CHL1: variants seen among roughly 807,000 people sequenced by gnomAD.
CHL1 encodes the protein cell adhesion molecule L1 like.
In CHL1, 96 loss-of-function variants were observed where a neutral mutation model predicts 141.9. That is an observed-to-expected ratio of 0.68 (90% CI 0.57 to 0.80). The LOEUF is 0.80. Among genes scored for constraint, CHL1 ranks in the 30% least tolerant of loss-of-function variants. The pLI, the probability that CHL1 is intolerant of heterozygous loss-of-function variation, is 0.00. For missense variants in CHL1, 1,820 were observed against 1,457.2 expected (o/e 1.25, Z -4.05); for synonymous variants, 613 against 502.2 (o/e 1.22, Z -2.95).
chr3:304,408 C>T (rs1297729811), intron 2 of CHL1, among the ~76,000 whole-genome samples: 6 of 152,138 alleles, frequency 3.9e-5, no homozygotes, highest in Admixed American at 2.0e-4. Flanking sequence ...ATTACTTCCT[C>T]GATTTCAGAA....
intron 2 of CHL1, among the ~76,000 whole-genome samples, chr3:253,731 G>A (rs1693911454): frequency 1.3e-5 from 2 of 152,014 alleles, no homozygotes; most frequent in Non-Finnish European, 2.9e-5. Context: ...ACAAAAACTT[G>A]CAGTACTCTT....
At chr3:230,619 G>A (rs371820182) in intron 1 of CHL1, among the ~76,000 whole-genome samples, 1 of 152,044 alleles carries the variant, frequency 6.6e-6, no homozygotes, top group East Asian at 1.9e-4. Flanking sequence ...ATGACACTAA[G>A]GAAGTAATTT....
At chr3:281,815 C>T (rs773668410) in intron 2 of CHL1, among the ~76,000 whole-genome samples, 3 of 152,176 alleles carry the variant, frequency 2.0e-5, no homozygotes, top group Admixed American at 1.3e-4. Flanking sequence ...TTGCCTTGGC[C>T]TCCCAAAGTG....
In CHL1 at chr3:382,351, C is replaced by A. The variant is rs1053180158; in HGVS notation, c.1978+71C>A. 9 of 1,481,254 alleles carry A rather than the reference C, an allele frequency of 6.1e-6. No individual in the cohort carries two copies. The African/African-American group carries it at 8.4e-5, about 14-fold the overall frequency. The allele number at this position is 1,481,254 out of a possible 1,614,324, so 91.8% of individuals were successfully genotyped here. A position where few individuals can be genotyped will look rare whatever the true frequency, so the allele number is the denominator to read the frequency against. ...AATTAATAGCGAAGTCACTTTTTAA[C>A]CACTCTTACTGGTTTATTCTTCTTA... is the stretch of plus-strand genomic sequence containing the variant. On this transcript the variant is annotated intron_variant, in intron 17 of 27. Coordinates refer to ENST00000256509, the MANE Select transcript of CHL1 (RefSeq NM_006614.4).
At position 340,835 on chromosome 3, in the gene CHL1, G is replaced by T; in HGVS notation, c.427G>T (p.Val143Leu). Residue 143 changes from valine (V) to leucine (L), a missense_variant, in exon 6 of 28, where the codon GTG becomes TTG. Transcript: ENST00000256509. ...AAAAGAAAAAATTGACCCTCTTGAA[G>T]TGGAGGAGGGAGATCCAATTGTCCT... ...FPKEKIDPLE[V>L]EEGDPIVLPC... 1 of 1,612,014 alleles carries T rather than the reference G, an allele frequency of 6.2e-7. No individual in the cohort carries two copies. The highest frequency in any genetic ancestry group is 8.5e-7 in the Non-Finnish European group (1 of 1,178,392).
chr3:237,576 A>T (rs904931006), intron 1 of CHL1, among the ~76,000 whole-genome samples: 11 of 152,216 alleles, frequency 7.2e-5, no homozygotes, highest in Non-Finnish European at 1.3e-4. Context: ...TCTACTGTAG[A>T]TAAAGGCACA....
intron 15 of CHL1, among the ~76,000 whole-genome samples, chr3:373,299 C>T (rs753835017): frequency 6.6e-6 from 1 of 152,218 alleles, no homozygotes; most frequent in Non-Finnish European, 1.5e-5. Context: ...GAGCCTCTGG[C>T]TGGAGTTATT....
intron 2 of CHL1, among the ~76,000 whole-genome samples, chr3:262,557 C>T (rs1272734242): frequency 6.6e-6 from 1 of 150,952 alleles, no homozygotes; most frequent in Non-Finnish European, 1.5e-5. Context: ...CACGTTTAAG[C>T]CTAGATCTAC....
At chr3:343,362 A>T (rs1043206237) in intron 8 of CHL1, among the ~76,000 whole-genome samples, 1 of 152,166 alleles carries the variant, frequency 6.6e-6, no homozygotes, top group African/African-American at 2.4e-5. Flanking sequence ...GAAAGAAAAG[A>T]AATGGTTAAG....
At chr3:359,656 A>C (rs557369628) in intron 11 of CHL1, among the ~76,000 whole-genome samples, 2 of 152,336 alleles carry the variant, frequency 1.3e-5, no homozygotes, top group Admixed American at 6.5e-5. Context: ...TACTTGGATC[A>C]GGAGTGGGGA....
rs955721600 is a variant in CHL1 at position 344,093 on chromosome 3, TG to T, written c.728-495del. Reference sequence around the variant, plus strand: ...AAGGAGCTGAGACTACAGGTAGAGTTGCCGAAAGAGCTTGATAAATTCATAG... The same window carrying T: ...AAGGAGCTGAGACTACAGGTAGAGTTCCGAAAGAGCTTGATAAATTCATAG... On this transcript the variant is annotated intron_variant, in intron 8 of 27. Coordinates refer to ENST00000256509, the MANE Select transcript of CHL1 (RefSeq NM_006614.4). 2.1e-4 allele frequency among the ~76,000 whole-genome samples: 32 copies of T among 152,314 alleles called. No homozygotes were observed. In the Middle Eastern group the frequency reaches 0.014, roughly 65 times the overall value.
intron 2 of CHL1, among the ~76,000 whole-genome samples, chr3:313,326 T>C (rs935378812): frequency 2.0e-5 from 3 of 152,180 alleles, no homozygotes; most frequent in South Asian, 2.1e-4. Context: ...TAAAATAAAA[T>C]GTGCTATGTC....
chr3:268,401 G>T (rs1053642250), intron 2 of CHL1, among the ~76,000 whole-genome samples: 1 of 152,048 alleles, frequency 6.6e-6, no homozygotes, highest in Non-Finnish European at 1.5e-5. Context: ...CAGGCACAGT[G>T]GTGGGCACCT....
At position 377,821 on chromosome 3, in the gene CHL1, A is replaced by G; in HGVS notation, c.1755A>G (p.Ile585Met). The G allele has an allele frequency of 1.2e-6, 2 of 1,602,968 alleles. No homozygotes were observed. ...FEINGTEDGR[I>M]IIDGANLTIS... The stretch of plus-strand genomic sequence containing the variant: ...GTACTCACTTTTTTTCTGATAGGAT[A>G]ATTATTGATGGAGCTAATTTGACCA... The change falls in exon 16 of 28, where the codon ATA becomes ATG. Residue 585 changes from isoleucine to methionine, a missense_variant. Physicochemically the swap from Ile to Met is conservative, Grantham distance 10 (BLOSUM62 1). Transcript: ENST00000256509.
chr3:293,293 G>C (rs1293683098), intron 2 of CHL1, among the ~76,000 whole-genome samples: 2 of 152,162 alleles, frequency 1.3e-5, no homozygotes, highest in Middle Eastern at 3.2e-3. Context: ...CTTGAGGCCA[G>C]GAGTTTGAGA....
rs2106449406 is a variant in CHL1, at chr3:407,316, T to G, written c.*1605T>G. On this transcript the variant is annotated 3_prime_UTR_variant, in exon 28 of 28. Coordinates refer to ENST00000256509, the MANE Select transcript of CHL1 (RefSeq NM_006614.4). ...CCCTTATAGTTCATGGAGACCAAAA[T>G]TTGGGGTATTTATAATAGTCAGCGC... 1 of 152,208 alleles carries G rather than the reference T, an allele frequency of 6.6e-6. No individual in the cohort carries two copies. Among genetic ancestry groups the G allele is most frequent in the East Asian group, 1.9e-4 (1 of 5,176 alleles). 9.4% of individuals were successfully genotyped at this position (152,208 alleles called of 1,614,324 possible).
chr3:224,599 G>A (rs1008412800), intron 1 of CHL1, among the ~76,000 whole-genome samples: 34 of 151,948 alleles, frequency 2.2e-4, no homozygotes, highest in African/African-American at 7.5e-4. Context: ...CTTCTACCAC[G>A]AGTAAAAACT....
rs764670420 is a variant in CHL1, at chr3:219,911, C to T, written c.-175+22848C>T. Among the ~76,000 whole-genome samples the T allele has an allele frequency of 9.9e-4, 151 of 152,274 alleles. 1 individual carries two copies. In the Middle Eastern group the frequency reaches 0.024, roughly 24 times the overall value. The stretch of plus-strand genomic sequence containing the variant: ...CCAAAATACATACTAAGATAGACAA[C>T]CTCATGAATAGTCAGGGGAATGCAC... On this transcript the variant is annotated intron_variant, in intron 1 of 27. Coordinates refer to ENST00000256509, the MANE Select transcript of CHL1 (RefSeq NM_006614.4).
intron 2 of CHL1, among the ~76,000 whole-genome samples, chr3:312,133 C>T (rs1201882838): frequency 6.6e-6 from 1 of 152,110 alleles, no homozygotes; most frequent in African/African-American, 2.4e-5. Flanking sequence ...CAGTAATTTG[C>T]TATTTAAATA....
Sources: allele counts gnomAD v4.1 joint callset (sites outside exome capture counted in the v4.1 genomes callset), GRCh38; gene constraint gnomAD v4.1.1; transcripts MANE v1.5; gene names NCBI Gene and HGNC (gene_info 2026-07-23, HGNC 2026-07-21).